CACNB4: variants seen among roughly 807,000 people sequenced by gnomAD.
CACNB4 encodes calcium voltage-gated channel auxiliary subunit beta 4.
Under a neutral mutation model 71.2 loss-of-function variants are expected in CACNB4, and 32 were observed. The observed-to-expected ratio is 0.45, with a 90% CI of 0.34 to 0.60. The LOEUF (loss-of-function observed/expected upper bound fraction) is 0.60, where lower values mean the gene tolerates loss of function less well. Ranked by LOEUF, CACNB4 falls within the 20% of genes least tolerant of loss-of-function variation. CACNB4 has a pLI of 0.01. For synonymous variants in CACNB4, 231 were observed against 236.9 expected, an observed-to-expected ratio of 0.97 and a Z score of 0.23; for missense variants, 464 against 647.9, an observed-to-expected ratio of 0.72 and a Z score of 3.08.
chr2:151,927,606 GA>G (rs2099860572), intron 2 of CACNB4, among the ~76,000 whole-genome samples: 1 of 152,230 alleles, frequency 6.6e-6, no homozygotes, highest in African/African-American at 2.4e-5. Context: ...ATGGACTGGT[GA>G]GGGGTAACAC....
intron 12 of CACNB4, among the ~76,000 whole-genome samples, chr2:151,846,950 T>G (rs2099837753): frequency 6.6e-6 from 1 of 152,198 alleles, no homozygotes; most frequent in Admixed American, 6.5e-5. Flanking sequence ...ATTATAATGA[T>G]ACGCATTGCT....
At chr2:151,904,665 G>C (rs2099854322) in intron 2 of CACNB4, among the ~76,000 whole-genome samples, 1 of 151,768 alleles carries the variant, frequency 6.6e-6, no homozygotes, top group African/African-American at 2.4e-5. Context: ...CTCTCAAGTA[G>C]CTGGGACTAC....
chr2:152,029,698 GC>G (rs1560146073), intron 2 of CACNB4, among the ~76,000 whole-genome samples: 1 of 152,020 alleles, frequency 6.6e-6, no homozygotes, highest in Non-Finnish European at 1.5e-5. Flanking sequence ...AGGAGGTGGG[GC>G]CTTTAGGAGG....
At chr2:151,928,234 C>A (rs2099860745) in intron 2 of CACNB4, among the ~76,000 whole-genome samples, 1 of 152,222 alleles carries the variant, frequency 6.6e-6, no homozygotes, top group Admixed American at 6.5e-5. Flanking sequence ...GAATACCTTT[C>A]TATTACTGAA....
At chr2:151,984,824 A>G (rs1201291692) in intron 2 of CACNB4, among the ~76,000 whole-genome samples, 4 of 152,160 alleles carry the variant, frequency 2.6e-5, no homozygotes, top group African/African-American at 9.6e-5. Context: ...TGCCATCTCT[A>G]CAACATACTT....
At chr2:152,001,393 T>C (rs1682396550) in intron 2 of CACNB4, among the ~76,000 whole-genome samples, 1 of 150,574 alleles carries the variant, frequency 6.6e-6, no homozygotes, top group Non-Finnish European at 1.5e-5. Flanking sequence ...CGTCCATCAG[T>C]TAAAGAACGA....
At chr2:151,904,536 CTCT>C (rs1474294395) in intron 2 of CACNB4, among the ~76,000 whole-genome samples, 3 of 107,446 alleles carry the variant, frequency 2.8e-5, no homozygotes, top group Admixed American at 1.4e-4. Context: ...TTAGAGATAA[CTCT>C]TTTTTTTTTT....
At chr2:152,022,637 A>G (rs79539990) in intron 2 of CACNB4, among the ~76,000 whole-genome samples, 62 of 152,348 alleles carry the variant, frequency 4.1e-4, no homozygotes, top group African/African-American at 1.3e-3. Context: ...ATGACCTGCA[A>G]TCTCTACATT....
intron 2 of CACNB4, among the ~76,000 whole-genome samples, chr2:151,945,867 CCT>C (rs2099865440): frequency 1.0e-5 from 1 of 99,896 alleles, no homozygotes; most frequent in Admixed American, 1.0e-4. Context: ...GCAAGATGAC[CCT>C]GTCTTTAAAA....
intron 2 of CACNB4, among the ~76,000 whole-genome samples, chr2:151,928,124 T>C (rs1463360920): frequency 6.6e-6 from 1 of 152,200 alleles, no homozygotes; most frequent in Non-Finnish European, 1.5e-5. Context: ...GCAGAGAACC[T>C]GGTTCCTGGG....
At chr2:151,947,222 A>G (rs2099865811) in intron 2 of CACNB4, among the ~76,000 whole-genome samples, 1 of 152,182 alleles carries the variant, frequency 6.6e-6, no homozygotes, top group African/African-American at 2.4e-5. Flanking sequence ...AACAACAGGG[A>G]TGGGGCTATG....
At chr2:152,061,151 T>A (rs1222531708) in intron 2 of CACNB4, among the ~76,000 whole-genome samples, 1 of 151,972 alleles carries the variant, frequency 6.6e-6, no homozygotes, top group African/African-American at 2.4e-5. Flanking sequence ...CCACAAAAAA[T>A]TTTTGTCAAT....
At chr2:152,057,514 A>G (rs1320942180) in intron 2 of CACNB4, among the ~76,000 whole-genome samples, 2 of 152,230 alleles carry the variant, frequency 1.3e-5, no homozygotes, top group Non-Finnish European at 2.9e-5. Flanking sequence ...CTAGGGAGAC[A>G]GGGAGGCTTT....
intron 12 of CACNB4, 106 bp from the exon 13 acceptor site, chr2:151,842,194 A>G: frequency 4.3e-6 from 4 of 937,706 alleles, no homozygotes. Flanking sequence ...GCTATTAGCT[A>G]AAATCAAATT....
intron 2 of CACNB4, among the ~76,000 whole-genome samples, chr2:151,924,954 A>T (rs1311493473): frequency 6.6e-6 from 1 of 152,184 alleles, no homozygotes; most frequent in Non-Finnish European, 1.5e-5. Flanking sequence ...TGACCTATTT[A>T]AACAGAGCTG....
intron 2 of CACNB4, among the ~76,000 whole-genome samples, chr2:152,052,846 G>A (rs1230294169): frequency 6.6e-6 from 1 of 151,994 alleles, no homozygotes; most frequent in East Asian, 1.9e-4. Context: ...GCTGGGCGTG[G>A]TGGCAGGCAC....
In CACNB4 at chr2:151,954,150, C is replaced by T. The variant is rs533556727; in HGVS notation, c.148-70780G>A. Among the ~76,000 whole-genome samples the T allele has an allele frequency of 2.0e-4, 31 of 152,272 alleles. No individual in the cohort carries two copies. In the South Asian group the frequency reaches 2.5e-3, roughly 12 times the overall value. On this transcript the variant is annotated intron_variant, in intron 2 of 13. Coordinates refer to ENST00000539935, the MANE Select transcript of CACNB4 (RefSeq NM_000726.5). ...ATCAGTGTGTCCCTGAAGCAACAACCGCAGCTTCACTATAATGTACACTCT... is the reference window on the plus strand; with the variant it reads ...ATCAGTGTGTCCCTGAAGCAACAACTGCAGCTTCACTATAATGTACACTCT...
chr2:151,956,390 G>C (rs1187950711), intron 2 of CACNB4, among the ~76,000 whole-genome samples: 2 of 152,224 alleles, frequency 1.3e-5, no homozygotes, highest in Non-Finnish European at 2.9e-5. Context: ...GATAAAAGCT[G>C]CAACATGGAT....
chr2:152,023,237 T>C (rs1050266152), intron 2 of CACNB4, among the ~76,000 whole-genome samples: 6 of 151,982 alleles, frequency 3.9e-5, no homozygotes, highest in African/African-American at 7.3e-5. Flanking sequence ...GCATGGGGGA[T>C]ACTGCCCCCA....
Sources: allele counts gnomAD v4.1 joint callset (sites outside exome capture counted in the v4.1 genomes callset), GRCh38; gene constraint gnomAD v4.1.1; transcripts MANE v1.5; gene names NCBI Gene and HGNC (gene_info 2026-07-23, HGNC 2026-07-21).